Variants in DNER observed in about 807,000 individuals in gnomAD.
DNER encodes delta/notch like EGF repeat containing.
Under a neutral mutation model 78.2 loss-of-function variants are expected in DNER, and 33 were observed. That is an observed-to-expected ratio of 0.42 (90% CI 0.32 to 0.56). DNER has a LOEUF of 0.56. Among genes scored for constraint, DNER ranks in the 20% least tolerant of loss-of-function variants. The probability of loss-of-function intolerance (pLI) is 0.11; values close to 1 mark genes in which losing one functional copy is unlikely to be tolerated. For missense variants in DNER, 918 were observed against 975.3 expected (o/e 0.94, Z 0.78); for synonymous variants, 417 against 384.8 (o/e 1.08, Z -0.98).
At position 229,563,922 on chromosome 2, in the gene DNER, C is replaced by A. The variant is rs149918114; in HGVS notation, c.848-16830G>T. Among the ~76,000 whole-genome samples, 852 of 142,092 alleles carry A rather than the reference C, an allele frequency of 6.0e-3. 10 individuals are homozygous for A. Among genetic ancestry groups the A allele is most frequent in the African/African-American group, 0.021 (799 of 37,920 alleles). The allele number at this position is 142,092 out of a possible 152,430, so 93.2% of individuals were successfully genotyped here. ...CACCATCATCATCATCCTCCTTACC[C>A]CATCACCATTATCATCATCCTCACC... On this transcript the variant is annotated intron_variant, in intron 4 of 12. Coordinates refer to ENST00000341772, the MANE Select transcript of DNER (RefSeq NM_139072.4).
At chr2:229,439,245 C>G (rs976869023) in intron 8 of DNER, among the ~76,000 whole-genome samples, 1 of 152,222 alleles carries the variant, frequency 6.6e-6, no homozygotes, top group Non-Finnish European at 1.5e-5. Flanking sequence ...ATCTCACCTC[C>G]AGTCCAACTC....
intron 1 of DNER, among the ~76,000 whole-genome samples, chr2:229,601,806 T>C (rs949555473): frequency 3.3e-5 from 5 of 152,184 alleles, no homozygotes; most frequent in Admixed American, 3.3e-4. Context: ...TTAGTCTGAT[T>C]AACACATAGT....
At chr2:229,415,814 C>T (rs549128268) in intron 9 of DNER, among the ~76,000 whole-genome samples, 3 of 152,304 alleles carry the variant, frequency 2.0e-5, no homozygotes, top group African/African-American at 4.8e-5. Flanking sequence ...AAGTCTGAAA[C>T]GCTGCTCTGC....
At chr2:229,625,884 T>G (rs1328816014) in intron 1 of DNER, among the ~76,000 whole-genome samples, 1 of 23,052 alleles carries the variant, frequency 4.3e-5, no homozygotes, top group African/African-American at 1.2e-4. Context: ...CTATGCAACT[T>G]TGTTTTTGTT....
At chr2:229,384,991 C>T (rs569004309) in intron 11 of DNER, among the ~76,000 whole-genome samples, 16 of 151,690 alleles carry the variant, frequency 1.1e-4, no homozygotes, top group East Asian at 9.7e-4. Flanking sequence ...CCCTGATAAA[C>T]ATTGATGCAA....
intron 7 of DNER, among the ~76,000 whole-genome samples, chr2:229,459,362 A>G (rs2154210785): frequency 6.6e-6 from 1 of 152,262 alleles, no homozygotes; most frequent in South Asian, 2.1e-4. Flanking sequence ...GAATAGCTGT[A>G]TGCATCCAGT....
chr2:229,682,308 G>A (rs1403513483), intron 1 of DNER, among the ~76,000 whole-genome samples: 2 of 152,170 alleles, frequency 1.3e-5, no homozygotes, highest in Non-Finnish European at 2.9e-5. Flanking sequence ...TGATGAATAT[G>A]TATTCAGCTC....
intron 8 of DNER, among the ~76,000 whole-genome samples, chr2:229,445,017 A>T (rs933878995): frequency 1.3e-5 from 2 of 152,146 alleles, no homozygotes; most frequent in African/African-American, 4.8e-5. Flanking sequence ...ACAGGTAATA[A>T]AGTATTAAGG....
intron 1 of DNER, among the ~76,000 whole-genome samples, chr2:229,653,000 G>T (rs1698847050): frequency 6.6e-6 from 1 of 152,154 alleles, no homozygotes; most frequent in South Asian, 2.1e-4. Flanking sequence ...GGAATTTGCT[G>T]TTAGTACTCT....
chr2:229,479,331 A>G (rs1695104639), intron 6 of DNER, among the ~76,000 whole-genome samples: 1 of 152,188 alleles, frequency 6.6e-6, no homozygotes, highest in Non-Finnish European at 1.5e-5. Flanking sequence ...ACCATCGTCA[A>G]CAAACAGGTA....
At chr2:229,587,274 G>A (rs1336045549) in intron 3 of DNER, 1 of 152,482 alleles carries the variant, frequency 6.6e-6, no homozygotes, top group African/African-American at 2.4e-5. Flanking sequence ...GAAACGCTTA[G>A]GACCGGGGTC....
intron 1 of DNER, among the ~76,000 whole-genome samples, chr2:229,642,418 G>A (rs1010346587): frequency 6.6e-6 from 1 of 152,184 alleles, no homozygotes; most frequent in African/African-American, 2.4e-5. Flanking sequence ...GACGCCCGCT[G>A]AAAATACTAT....
At chr2:229,474,986 A>G (rs1490814488) in intron 7 of DNER, among the ~76,000 whole-genome samples, 1 of 152,222 alleles carries the variant, frequency 6.6e-6, no homozygotes, top group African/African-American at 2.4e-5. Context: ...TTGTTCCAGA[A>G]TGAAAAGTTC....
chr2:229,680,810 T>C (rs898036378), intron 1 of DNER, among the ~76,000 whole-genome samples: 1 of 152,216 alleles, frequency 6.6e-6, no homozygotes, highest in African/African-American at 2.4e-5. Flanking sequence ...AACAAGTATC[T>C]AAATTTGAAA....
chr2:229,545,943 C>G (rs1473442353), intron 5 of DNER, among the ~76,000 whole-genome samples: 1 of 152,186 alleles, frequency 6.6e-6, no homozygotes, highest in Non-Finnish European at 1.5e-5. Context: ...CACAACAGTC[C>G]CCAAAACGGG....
At chr2:229,576,141 A>C (rs931516356) in intron 4 of DNER, among the ~76,000 whole-genome samples, 1 of 152,296 alleles carries the variant, frequency 6.6e-6, no homozygotes, top group Non-Finnish European at 1.5e-5. Flanking sequence ...TGGTTTTAAA[A>C]TGACCATGAA....
In DNER at chr2:229,358,592, T is replaced by C; in HGVS notation, c.2162A>G (p.Tyr721Cys). ...GACCAAGGGTTTGTCATCAGGACTG[T>C]AATCTTCATAGGCGATGGGGCTCAC... ...YDVSPIAYED[Y>C]SPDDKPLVTL... Residue 721 changes from tyrosine (Y) to cysteine (C), a missense_variant, in exon 13 of 13, where the codon TAC (tyrosine) becomes TGC (cysteine). Transcript: ENST00000341772. 6.2e-7 allele frequency: 1 copy of C among 1,614,078 alleles called. No individual in the cohort carries two copies. Among genetic ancestry groups the C allele is most frequent in the Non-Finnish European group, 8.5e-7 (1 of 1,179,970 alleles).
intron 6 of DNER, among the ~76,000 whole-genome samples, chr2:229,498,408 A>C (rs945900666): frequency 7.2e-5 from 11 of 152,180 alleles, no homozygotes; most frequent in Non-Finnish European, 1.6e-4. Context: ...CATATAACTT[A>C]ATATACTAGC....
At chr2:229,673,263 T>C (rs1160931876) in intron 1 of DNER, among the ~76,000 whole-genome samples, 1 of 152,118 alleles carries the variant, frequency 6.6e-6, no homozygotes, top group Non-Finnish European at 1.5e-5. Context: ...TGGTAGGTAT[T>C]GAGATTGGAA....
Sources: allele counts gnomAD v4.1 joint callset (sites outside exome capture counted in the v4.1 genomes callset), GRCh38; gene constraint gnomAD v4.1.1; transcripts MANE v1.5; gene names NCBI Gene and HGNC (gene_info 2026-07-23, HGNC 2026-07-21).